The following SLK variants were observed in gnomAD, a reference collection of about 807,000 sequenced individuals.
The protein encoded by SLK is STE20 like kinase.
A neutral mutation model predicts 147.7 loss-of-function variants in SLK; 67 were observed. The ratio of observed to expected loss-of-function variants is 0.45; its 90% CI spans 0.37 to 0.56. The LOEUF (loss-of-function observed/expected upper bound fraction) is 0.56. Ranked by LOEUF, SLK falls within the 20% of genes least tolerant of loss-of-function variation. The pLI, the probability that SLK is intolerant of heterozygous loss-of-function variation, is 0.00. For missense variants in SLK, 1,136 were observed against 1,438.8 expected, an observed-to-expected ratio of 0.79 and a Z score of 3.41; for synonymous variants, 441 against 475.0, an observed-to-expected ratio of 0.93 and a Z score of 0.93.
At chr10:104,008,631 T>C (rs1310102346) in intron 12 of SLK, among the ~76,000 whole-genome samples, 1 of 152,176 alleles carries the variant, frequency 6.6e-6, no homozygotes, top group Non-Finnish European at 1.5e-5. Context: ...AGACTACCCC[T>C]AAATATCCAG....
intron 11 of SLK, 117 bp from the exon 12 acceptor site, chr10:104,008,060 G>C (rs1844351280): frequency 1.3e-6 from 1 of 742,634 alleles, no homozygotes; most frequent in Admixed American, 2.6e-5. Context: ...TATTGTGAAG[G>C]TTATAGTACA....
intron 1 of SLK, among the ~76,000 whole-genome samples, chr10:103,975,045 G>A (rs1328843264): frequency 6.6e-6 from 1 of 151,470 alleles, no homozygotes; most frequent in Non-Finnish European, 1.5e-5. Flanking sequence ...TCCTTTGCTG[G>A]TTCTTCCTCT....
chr10:104,027,274 G>A lies in SLK; in HGVS notation c.*1554G>A, dbSNP rs1221108005. 6.6e-6 allele frequency: 1 copy of A among 152,586 alleles called. No homozygotes were observed. Among genetic ancestry groups the A allele is most frequent in the Non-Finnish European group, 1.5e-5 (1 of 68,034 alleles). The allele number at this position is 152,586 out of a possible 1,614,324, so 9.5% of individuals were successfully genotyped here. A position where few individuals can be genotyped will look rare whatever the true frequency, so the allele number is the denominator to read the frequency against. ...ATTTAGATGATTTAAAAATGCATGTGTGATTTGAATTTTATAATTGTTTTG... is the reference window on the plus strand; with the variant it reads ...ATTTAGATGATTTAAAAATGCATGTATGATTTGAATTTTATAATTGTTTTG... On this transcript the variant is annotated 3_prime_UTR_variant, in exon 19 of 19. Coordinates refer to ENST00000369755, the MANE Select transcript of SLK (RefSeq NM_014720.4).
Position 103,993,022 on chromosome 10 carries a change from G to A in SLK, c.403G>A (p.Val135Ile). The A allele has an allele frequency of 6.2e-7, 1 of 1,611,532 alleles. No individual in the cohort carries two copies. Among genetic ancestry groups the A allele is most frequent in the South Asian group, 1.1e-5 (1 of 90,714 alleles). The change falls in exon 4 of 19, where the codon GTT becomes ATT. Residue 135 changes from valine (V) to isoleucine (I), a missense_variant. Transcript: ENST00000369755. Reference sequence around the variant, plus strand: ...ATTAACTGAGTCCCAAATACAAGTAGTTTGCAAGCAGACTTTAGATGCATT... The same window carrying A: ...ATTAACTGAGTCCCAAATACAAGTAATTTGCAAGCAGACTTTAGATGCATT... Reference protein sequence around the residue: ...RPLTESQIQVVCKQTLDALNY... With the variant: ...RPLTESQIQVICKQTLDALNY...
intron 1 of SLK, among the ~76,000 whole-genome samples, chr10:103,984,867 A>G (rs189041987): frequency 1.5e-3 from 227 of 152,364 alleles, no homozygotes; most frequent in Non-Finnish European, 2.5e-3. Context: ...ACAGTAACCT[A>G]ACATATAGAA....
intron 1 of SLK, among the ~76,000 whole-genome samples, chr10:103,980,712 T>C (rs1459180860): frequency 6.6e-6 from 1 of 152,180 alleles, no homozygotes; most frequent in Non-Finnish European, 1.5e-5. Context: ...ATATACACAT[T>C]TTTCTTATCC....
intron 16 of SLK, 117 bp from the exon 17 acceptor site, chr10:104,020,368 ATAT>A (rs1252103853): frequency 2.0e-5 from 19 of 949,432 alleles, no homozygotes; most frequent in Non-Finnish European, 2.5e-5. Flanking sequence ...GAGTCTCAGC[ATAT>A]TATTACTTGT....
intron 4 of SLK, among the ~76,000 whole-genome samples, chr10:103,996,068 C>T (rs907976780): frequency 6.6e-6 from 1 of 152,076 alleles, no homozygotes; most frequent in East Asian, 1.9e-4. Context: ...GTTGATGTGT[C>T]TTTGGTGATG....
intron 16 of SLK, among the ~76,000 whole-genome samples, 181 bp downstream of exon 16, chr10:104,020,103 A>T (rs774438761): frequency 1.3e-5 from 2 of 152,206 alleles, no homozygotes; most frequent in South Asian, 4.1e-4. Flanking sequence ...CTTCCCCAGG[A>T]TGGTGGTCAC....
chr10:104,019,711 G>C (rs375743689), intron 15 of SLK, 23 bp from the exon 16 acceptor site: 14 of 1,578,676 alleles, frequency 8.9e-6, no homozygotes, highest in Admixed American at 1.7e-5. Flanking sequence ...TGCGTCACTG[G>C]ATTCTATTTA....
chr10:103,970,925 A>G (rs1046774247), intron 1 of SLK, among the ~76,000 whole-genome samples: 1 of 152,224 alleles, frequency 6.6e-6, no homozygotes, highest in African/African-American at 2.4e-5. Flanking sequence ...GAAATTGAAA[A>G]TGCTCTAGTG....
intron 1 of SLK, among the ~76,000 whole-genome samples, chr10:103,987,913 C>T (rs1044448100): frequency 6.6e-6 from 1 of 152,120 alleles, no homozygotes; most frequent in African/African-American, 2.4e-5. Flanking sequence ...CTTAGCGTCC[C>T]TGCTGGGCCC....
chr10:103,991,848 G>A (rs954448121), intron 2 of SLK, among the ~76,000 whole-genome samples: 1 of 152,080 alleles, frequency 6.6e-6, no homozygotes, highest in East Asian at 1.9e-4. Flanking sequence ...GGCTGTCGCA[G>A]AATGTTTCCA....
intron 3 of SLK, 96 bp from the exon 4 acceptor site, chr10:103,992,888 C>CT: frequency 1.2e-6 from 1 of 866,408 alleles, no homozygotes; most frequent in East Asian, 2.6e-5. Context: ...TGCATATGAT[C>CT]TTTGACAGTG....
chr10:104,013,986 A>C (rs746399265), intron 13 of SLK, among the ~76,000 whole-genome samples: 1 of 152,198 alleles, frequency 6.6e-6, no homozygotes, highest in South Asian at 2.1e-4. Context: ...CTCAAGTCAC[A>C]TAAGAGATTA....
At position 104,003,096 on chromosome 10, in the gene SLK, G is replaced by A. The variant is rs1844275531; in HGVS notation, c.1918G>A (p.Glu640Lys). 12 of 1,614,022 alleles carry A rather than the reference G, an allele frequency of 7.4e-6. No homozygotes were observed. The highest frequency in any genetic ancestry group is 8.5e-6 in the Non-Finnish European group (10 of 1,180,008). ...TGAGGAACCAGGAACAACTGAAGGT[G>A]AAGAAATCACTGAGTCAAGTAGCAC... ...INEEPGTTEG[E>K]EITESSSTEE... The change falls in exon 9 of 19, where the codon GAA becomes AAA. Residue 640 changes from glutamate (E) to lysine (K), a missense_variant. Transcript: ENST00000369755.
intron 18 of SLK, among the ~76,000 whole-genome samples, chr10:104,023,049 C>T (rs1028964990): frequency 2.0e-5 from 3 of 152,254 alleles, no homozygotes; most frequent in Non-Finnish European, 4.4e-5. Flanking sequence ...CTAGCATCTG[C>T]TTCAAACACC....
intron 1 of SLK, among the ~76,000 whole-genome samples, chr10:103,975,136 C>A (rs11191887): frequency 0.77 from 117,201 of 151,574 alleles, 45,913 homozygotes; most frequent in East Asian, 0.9. Flanking sequence ...CGGTCTTCTC[C>A]CATGGCTTCA....
chr10:104,010,437 T>TTG (rs1175616508), intron 12 of SLK, among the ~76,000 whole-genome samples: 1 of 152,226 alleles, frequency 6.6e-6, no homozygotes, highest in Non-Finnish European at 1.5e-5. Flanking sequence ...TTATGTTCAA[T>TTG]ATTTCCAACT....
Sources: gnomAD v4.1 joint callset for allele counts (sites outside exome capture counted in the v4.1 genomes callset) on GRCh38, gnomAD v4.1.1 for gene constraint, MANE v1.5 for transcripts, NCBI Gene and HGNC (gene_info 2026-07-23, HGNC 2026-07-21) for gene names.